Variants in EVC observed in about 807,000 individuals in gnomAD.
EVC encodes EvC ciliary complex subunit 1.
In EVC, 116 loss-of-function variants were observed where a neutral mutation model predicts 118.9. The observed-to-expected ratio is 0.98, with a 90% CI of 0.84 to 1.14. The LOEUF (loss-of-function observed/expected upper bound fraction) is 1.14, where lower values mean the gene tolerates loss of function less well. EVC is among the 50% of genes most tolerant of loss of function. The probability of loss-of-function intolerance (pLI) is 0.00; values close to 1 mark genes in which losing one functional copy is unlikely to be tolerated. For missense variants in EVC, 1,401 were observed against 1,246.4 expected (o/e 1.12, Z -1.87); for synonymous variants, 619 against 534.7 (o/e 1.16, Z -2.18).
chr4:5,824,095 AT>A, the EVC span, among the ~76,000 whole-genome samples: 2 of 152,158 alleles, frequency 1.3e-5, no homozygotes, highest in Non-Finnish European at 2.9e-5. Flanking sequence ...CTTCATTGTT[AT>A]TCTTGTTCTA....
At chr4:5,726,799 C>G (rs1275878731) in intron 2 of EVC, among the ~76,000 whole-genome samples, 1 of 145,734 alleles carries the variant, frequency 6.9e-6, no homozygotes, top group African/African-American at 2.5e-5. Context: ...TCAATTCCCA[C>G]CTATGAGTGA....
intron 11 of EVC, among the ~76,000 whole-genome samples, chr4:5,778,666 C>T (rs577428755): frequency 3.5e-4 from 52 of 147,418 alleles, no homozygotes; most frequent in South Asian, 1.1e-3. Context: ...TCATGTCCTT[C>T]GCCCACTTTT....
intron 4 of EVC, 80 bp from the exon 5 acceptor site, chr4:5,733,271 T>C: frequency 8.6e-7 from 1 of 1,168,256 alleles, no homozygotes; most frequent in Non-Finnish European, 1.3e-6. Context: ...TGGCTTGTAC[T>C]GATGAGGGAC....
chr4:5,822,239 A>G, the EVC span, among the ~76,000 whole-genome samples: 2 of 152,226 alleles, frequency 1.3e-5, no homozygotes, highest in African/African-American at 4.8e-5. Flanking sequence ...TGTACTCCCA[A>G]CTTACGGGTG....
Position 5,753,125 on chromosome 4 carries a change from G to T in EVC, c.1315+73G>T. Reference sequence around the variant, plus strand: ...GTCCCTGGGGCTGTGCAGTGAGAGGGCTGGCAGCCTGGGGCAGTGTGCCCA... The same window carrying T: ...GTCCCTGGGGCTGTGCAGTGAGAGGTCTGGCAGCCTGGGGCAGTGTGCCCA... On this transcript the variant is annotated intron_variant, in intron 9 of 20. Coordinates refer to ENST00000264956, the MANE Select transcript of EVC (RefSeq NM_153717.3). 25 of 1,395,482 alleles carry T rather than the reference G, an allele frequency of 1.8e-5. 1 individual carries two copies. The South Asian group carries it at 3.0e-4, about 16-fold the overall frequency. 86.4% of individuals were successfully genotyped at this position (1,395,482 alleles called of 1,614,324 possible).
Position 5,809,500 on chromosome 4 carries a change from T to A in EVC, c.2689-18T>A, listed in dbSNP as rs1716544469. 6.2e-7 allele frequency: 1 copy of A among 1,611,928 alleles called. No individual in the cohort carries two copies. Among genetic ancestry groups the A allele is most frequent in the Admixed American group, 1.7e-5 (1 of 60,006 alleles). ...AGAGGGAGGCCCAGCTGAATGCTCC[T>A]CTCTGCTTGCATTTCAGGAAGCTGA... is the stretch of plus-strand genomic sequence containing the variant. On this transcript the variant is annotated intron_variant, in intron 18 of 20. Transcript: ENST00000264956.
intron 2 of EVC, among the ~76,000 whole-genome samples, chr4:5,723,867 T>C (rs1245994430): frequency 6.6e-6 from 1 of 152,112 alleles, no homozygotes; most frequent in Non-Finnish European, 1.5e-5. Flanking sequence ...GAGTTCAGCC[T>C]TTTCCATCTT....
chr4:5,821,771 T>C, the EVC span: 2 of 1,610,370 alleles, frequency 1.2e-6, no homozygotes, highest in Non-Finnish European at 1.7e-6. The surrounding 1 kb of genome is among the most constrained non-coding windows in gnomAD (Gnocchi z 4.4). Flanking sequence ...CAACCGAGGC[T>C]GGTGATGTTG....
At chr4:5,795,390 A>C (rs944362496) in intron 13 of EVC, among the ~76,000 whole-genome samples, 2 of 152,114 alleles carry the variant, frequency 1.3e-5, no homozygotes, top group African/African-American at 4.8e-5. Context: ...GGTGGCTTAC[A>C]TCTGTAATCC....
intron 4 of EVC, 70 bp from the exon 5 acceptor site, chr4:5,733,281 C>A: frequency 1.6e-6 from 2 of 1,265,956 alleles, no homozygotes; most frequent in Non-Finnish European, 2.3e-6. Context: ...TGATGAGGGA[C>A]GTGCCAATAT....
chr4:5,820,783 T>C, the EVC span: 3 of 150,626 alleles, frequency 2.0e-5, no homozygotes, highest in African/African-American at 5.0e-5. Flanking sequence ...CCTAGTCAGG[T>C]CAGTGGGCAG....
Position 5,811,197 on chromosome 4 carries a change from G to C in EVC, c.*160G>C. 3 of 649,560 alleles carry C rather than the reference G, an allele frequency of 4.6e-6. No homozygotes were observed. In the South Asian group the frequency reaches 5.3e-5, roughly 11 times the overall value. 40.2% of individuals were successfully genotyped at this position (649,560 alleles called of 1,614,324 possible). A position where few individuals can be genotyped will look rare whatever the true frequency, so the allele number is the denominator to read the frequency against. ...GAAAGAATAGAAATGTGCCCTAAAA[G>C]CATAAATGAGTATCACCTGAGAAAA... On this transcript the variant is annotated 3_prime_UTR_variant, in exon 21 of 21. Coordinates refer to ENST00000264956, the MANE Select transcript of EVC (RefSeq NM_153717.3).
At chr4:5,781,594 T>C (rs945749666) in intron 11 of EVC, among the ~76,000 whole-genome samples, 1 of 152,104 alleles carries the variant, frequency 6.6e-6, no homozygotes, top group Non-Finnish European at 1.5e-5. Context: ...CCCAGCACTT[T>C]GGGAGGTCAA....
At chr4:5,809,216 C>T (rs1047061268) in intron 18 of EVC, among the ~76,000 whole-genome samples, 4 of 152,164 alleles carry the variant, frequency 2.6e-5, no homozygotes, top group African/African-American at 7.2e-5. Flanking sequence ...TGAGTCCCAT[C>T]CTATTCTGCT....
At chr4:5,820,381 C>CTGTT in the EVC span, among the ~76,000 whole-genome samples, 1 of 152,092 alleles carries the variant, frequency 6.6e-6, no homozygotes, top group Non-Finnish European at 1.5e-5. Context: ...ACTTTGCCTG[C>CTGTT]TGTTTTTATC....
At position 5,743,140 on chromosome 4, in the gene EVC, G is replaced by A. The variant is rs756834932; in HGVS notation, c.801+1326G>A. ...GTTGTTGACATGGCATTTGTAATCT[G>A]TGGTTGTGCTGGTGGGAGTGTCTTA... On this transcript the variant is annotated intron_variant, in intron 6 of 20. Coordinates refer to ENST00000264956, the MANE Select transcript of EVC (RefSeq NM_153717.3). The surrounding 1 kb of genome is among the most constrained non-coding windows in gnomAD (Gnocchi z 4.7). 2.0e-5 allele frequency among the ~76,000 whole-genome samples: 3 copies of A among 152,198 alleles called. No homozygotes were observed. The highest frequency in any genetic ancestry group is 4.4e-5 in the Non-Finnish European group (3 of 68,026).
the EVC span, chr4:5,824,377 T>C: frequency 6.1e-6 from 6 of 985,290 alleles, no homozygotes; most frequent in African/African-American, 1.7e-5. Context: ...GTGAGATGAA[T>C]GGGGAGGCCT....
intron 1 of EVC, among the ~76,000 whole-genome samples, chr4:5,713,260 A>G (rs1723344350): frequency 6.6e-6 from 1 of 152,142 alleles, no homozygotes; most frequent in Admixed American, 6.5e-5. Context: ...CCTTGCGACA[A>G]CCTTCTTTCT....
downstream of EVC, among the ~76,000 whole-genome samples, chr4:5,817,022 G>T (rs770682555): frequency 6.6e-5 from 10 of 152,208 alleles, no homozygotes; most frequent in Non-Finnish European, 1.5e-4. Flanking sequence ...AGGCAGGGCA[G>T]GTTGGGAGAA....
Sources: gnomAD v4.1 joint callset for allele counts (sites outside exome capture counted in the v4.1 genomes callset) on GRCh38, gnomAD v4.1.1 for gene constraint, Gnocchi (gnomAD v3.1) non-coding constraint, MANE v1.5 for transcripts, NCBI Gene and HGNC (gene_info 2026-07-23, HGNC 2026-07-21) for gene names.